JMJD1C: variants seen among roughly 807,000 people sequenced by gnomAD.
JMJD1C encodes the protein jumonji domain containing 1C.
JMJD1C carries 31 observed loss-of-function variants against 245.3 expected under a neutral mutation model. The ratio of observed to expected loss-of-function variants is 0.13; its 90% CI spans 0.09 to 0.17. The LOEUF (loss-of-function observed/expected upper bound fraction) is 0.17. Ranked by LOEUF, JMJD1C falls within the 10% of genes least tolerant of loss-of-function variation. The pLI, the probability that JMJD1C is intolerant of heterozygous loss-of-function variation, is 1.00. For synonymous variants in JMJD1C, 1,057 were observed against 1,017.4 expected (o/e 1.04, Z -0.74); for missense variants, 2,691 against 3,000.2 (o/e 0.90, Z 2.41).
rs553468740 is a variant in JMJD1C at position 63,321,193 on chromosome 10, A to G, written c.334-56429T>C. On this transcript the variant is annotated intron_variant, in intron 2 of 25. Transcript: ENST00000399262. The stretch of plus-strand genomic sequence containing the variant: ...TATCTTCATCTGGCTATTCATTTGT[A>G]TCCTTTAAAATATTCTTTGTAATAA... Among the ~76,000 whole-genome samples the G allele has an allele frequency of 4.1e-4, 63 of 152,196 alleles. 1 individual carries two copies. Among genetic ancestry groups the G allele is most frequent in the Non-Finnish European group, 7.6e-4 (52 of 68,028 alleles).
chr10:63,469,433 T>A (rs1233497576), upstream of JMJD1C, among the ~76,000 whole-genome samples: 1 of 152,198 alleles, frequency 6.6e-6, no homozygotes, highest in Non-Finnish European at 1.5e-5. Context: ...CTATTAACTA[T>A]TATACTAAAA....
chr10:63,213,142 T>C (rs988636727), intron 8 of JMJD1C, among the ~76,000 whole-genome samples: 14 of 146,358 alleles, frequency 9.6e-5, no homozygotes, highest in Non-Finnish European at 1.5e-4. Flanking sequence ...CCCAAGATCA[T>C]GTCACTGCAT....
intron 2 of JMJD1C, among the ~76,000 whole-genome samples, chr10:63,306,139 G>A (rs536422022): frequency 3.3e-5 from 5 of 152,024 alleles, no homozygotes; most frequent in Middle Eastern, 6.8e-3. Flanking sequence ...GCCCAGGCTG[G>A]AGTGCACTGG....
rs2133008325 is a variant in JMJD1C at position 63,193,133 on chromosome 10, T to G, written c.5881A>C (p.Asn1961His). The change falls in exon 16 of 26, where the codon AAT becomes CAT. Residue 1961 changes from asparagine (N) to histidine (H), a missense_variant. By Grantham distance (68) the Asn-to-His change is moderately conservative. Coordinates refer to ENST00000399262, the MANE Select transcript of JMJD1C (RefSeq NM_032776.3). ...CACAGAGAAATTTTATTACTGTGAT[T>G]AAGAACATTCTGTAAAACCTACAAA... ...GVSQVLQNVL[N>H]HSNKISLCMP... 1 of 1,612,836 alleles carries G rather than the reference T, an allele frequency of 6.2e-7. No individual in the cohort carries two copies. The highest frequency in any genetic ancestry group is 2.2e-5 in the East Asian group (1 of 44,874).
chr10:63,476,768 A>G (rs1953674499), intron 1 of JMJD1C, among the ~76,000 whole-genome samples: 1 of 152,022 alleles, frequency 6.6e-6, no homozygotes, highest in Admixed American at 6.6e-5. Context: ...ATTAAATTAA[A>G]AACATTTTTT....
At chr10:63,440,129 G>A (rs1424270101) in intron 1 of JMJD1C, among the ~76,000 whole-genome samples, 1 of 152,152 alleles carries the variant, frequency 6.6e-6, no homozygotes, top group African/African-American at 2.4e-5. Context: ...GAGGTGAAGA[G>A]TTTGAGATCA....
At chr10:63,503,280 C>T (rs990911224) in intron 1 of JMJD1C, among the ~76,000 whole-genome samples, 2 of 152,042 alleles carry the variant, frequency 1.3e-5, no homozygotes, top group African/African-American at 4.8e-5. Flanking sequence ...TTTGGGGGGG[C>T]TTTTAGTTCA....
chr10:63,465,318 C>G (rs545709202), intron 1 of JMJD1C, 177 bp downstream of exon 1: 2 of 673,148 alleles, frequency 3.0e-6, no homozygotes, highest in Non-Finnish European at 2.5e-6. Context: ...GGAAGCCGCT[C>G]GGAGAGACGC....
At chr10:63,234,986 T>C (rs1254528128) in intron 3 of JMJD1C, among the ~76,000 whole-genome samples, 2 of 152,118 alleles carry the variant, frequency 1.3e-5, no homozygotes, top group Non-Finnish European at 2.9e-5. Flanking sequence ...AGATGTGGTA[T>C]ACAGAAACAT....
chr10:63,283,830 T>C (rs1857671863), intron 2 of JMJD1C, among the ~76,000 whole-genome samples: 1 of 152,002 alleles, frequency 6.6e-6, no homozygotes, highest in African/African-American at 2.4e-5. Context: ...AGTTACATAA[T>C]TCAGTGTAAA....
At chr10:63,205,357 C>A (rs1211201692) in intron 10 of JMJD1C, among the ~76,000 whole-genome samples, 1 of 152,192 alleles carries the variant, frequency 6.6e-6, no homozygotes. Context: ...ATTCATATTA[C>A]TCTGAAGTAA....
chr10:63,401,873 G>A (rs1179340783), intron 1 of JMJD1C, among the ~76,000 whole-genome samples: 2 of 152,024 alleles, frequency 1.3e-5, no homozygotes, highest in South Asian at 4.1e-4. Context: ...AGTAGCTCAC[G>A]CCTGTAATCC....
At chr10:63,356,491 C>T (rs1021159911) in intron 2 of JMJD1C, among the ~76,000 whole-genome samples, 2 of 152,292 alleles carry the variant, frequency 1.3e-5, no homozygotes, top group South Asian at 2.1e-4. Flanking sequence ...CCTAGTGGAC[C>T]GGACCCTCAA....
At chr10:63,396,936 T>G (rs538391020) in intron 1 of JMJD1C, among the ~76,000 whole-genome samples, 18 of 150,868 alleles carry the variant, frequency 1.2e-4, no homozygotes, top group South Asian at 2.1e-4. Context: ...TTGGTTTTTT[T>G]TTTTTTTTTT....
chr10:63,196,872 C>A (rs1395339534), intron 13 of JMJD1C, among the ~76,000 whole-genome samples: 1 of 152,162 alleles, frequency 6.6e-6, no homozygotes, highest in East Asian at 1.9e-4. Context: ...TCACAGTTCA[C>A]TGCAGCCTCC....
At chr10:63,510,438 GT>G (rs1162846121) in intron 1 of JMJD1C, among the ~76,000 whole-genome samples, 1 of 152,132 alleles carries the variant, frequency 6.6e-6, no homozygotes, top group Non-Finnish European at 1.5e-5. Context: ...ATTTTTAAGT[GT>G]TTTTGAGATT....
At chr10:63,271,561 A>AT (rs919486178) in intron 2 of JMJD1C, among the ~76,000 whole-genome samples, 11 of 151,740 alleles carry the variant, frequency 7.2e-5, no homozygotes, top group African/African-American at 2.7e-4. Flanking sequence ...ATTAAAAAAA[A>AT]TTTTTTTGAG....
intron 3 of JMJD1C, among the ~76,000 whole-genome samples, chr10:63,248,589 CTGTTGAATA>C (rs1766976211): frequency 6.7e-6 from 1 of 149,408 alleles, no homozygotes; most frequent in South Asian, 2.1e-4. Context: ...ATGATGGACA[CTGTTGAATA>C]TGTGGGAAAA....
chr10:63,377,426 A>G (rs1403877308), intron 2 of JMJD1C, among the ~76,000 whole-genome samples: 1 of 152,210 alleles, frequency 6.6e-6, no homozygotes, highest in African/African-American at 2.4e-5. Flanking sequence ...CCACAATTAA[A>G]AATTTTTATT....
Sources: gnomAD v4.1 joint callset for allele counts (sites outside exome capture counted in the v4.1 genomes callset) on GRCh38, gnomAD v4.1.1 for gene constraint, MANE v1.5 for transcripts, NCBI Gene and HGNC (gene_info 2026-07-23, HGNC 2026-07-21) for gene names.